Variants in ADGRL3 observed in about 807,000 individuals in gnomAD.
The protein encoded by ADGRL3 is calcium-independent alpha-latrotoxin receptor 3.
In ADGRL3, 62 loss-of-function variants were observed where a neutral mutation model predicts 153.5. That is an observed-to-expected ratio of 0.40 (90% CI 0.33 to 0.50). ADGRL3 has a LOEUF of 0.50. Among genes scored for constraint, ADGRL3 ranks in the 20% least tolerant of loss-of-function variants. The pLI is 0.47. For missense variants in ADGRL3, 1,641 were observed against 1,859.4 expected, an observed-to-expected ratio of 0.88 and a Z score of 2.16; for synonymous variants, 710 against 672.5, an observed-to-expected ratio of 1.06 and a Z score of -0.86.
chr4:62,011,778 G>A (rs1316863769), intron 21 of ADGRL3, among the ~76,000 whole-genome samples: 1 of 151,982 alleles, frequency 6.6e-6, no homozygotes, highest in African/African-American at 2.4e-5. Context: ...TCACCAGTTA[G>A]TTATTACTTA....
Position 61,333,661 on chromosome 4 carries a change from C to T in ADGRL3, c.-239-49463C>T, listed in dbSNP as rs572952223. On this transcript the variant is annotated intron_variant, in intron 1 of 26. Coordinates refer to ENST00000683033, the MANE Select transcript of ADGRL3 (RefSeq NM_001387552.1). ...CAGGCTGGAATGCAGGTCACAATCACGGCTTACTGCATGCAGCCTTGAGCT... is the reference window on the plus strand; with the variant it reads ...CAGGCTGGAATGCAGGTCACAATCATGGCTTACTGCATGCAGCCTTGAGCT... Among the ~76,000 whole-genome samples the T allele has an allele frequency of 2.6e-5, 4 of 152,116 alleles. No individual in the cohort carries two copies. The South Asian group carries it at 6.2e-4, about 24-fold the overall frequency.
intron 3 of ADGRL3, among the ~76,000 whole-genome samples, chr4:61,498,459 A>T (rs2098345314): frequency 6.6e-6 from 1 of 152,088 alleles, no homozygotes; most frequent in Non-Finnish European, 1.5e-5. Context: ...CTGAGGCAGG[A>T]GAATGGCGTA....
intron 25 of ADGRL3, among the ~76,000 whole-genome samples, chr4:62,065,378 A>G (rs542062819): frequency 6.6e-6 from 1 of 152,208 alleles, no homozygotes; most frequent in Admixed American, 6.6e-5. Flanking sequence ...AATGAATTGT[A>G]CATTACACAA....
At chr4:61,625,512 G>A (rs565058164) in intron 5 of ADGRL3, among the ~76,000 whole-genome samples, 29 of 152,000 alleles carry the variant, frequency 1.9e-4, no homozygotes, top group African/African-American at 6.3e-4. Flanking sequence ...ACATACATTC[G>A]TTACGTTGCT....
At chr4:61,455,454 A>G (rs1347655840) in intron 2 of ADGRL3, among the ~76,000 whole-genome samples, 1 of 152,114 alleles carries the variant, frequency 6.6e-6, no homozygotes, top group Non-Finnish European at 1.5e-5. Context: ...GTTTTTAAAT[A>G]ATTCATTTAT....
At chr4:61,800,685 G>A (rs769587254) in intron 8 of ADGRL3, among the ~76,000 whole-genome samples, 4 of 152,104 alleles carry the variant, frequency 2.6e-5, no homozygotes, top group African/African-American at 7.2e-5. Context: ...TTCTAATAAG[G>A]AAGTTTATTT....
rs1247058119 is a variant in ADGRL3, at chr4:61,200,340, T to G, written c.-1665T>G. On this transcript the variant is annotated 5_prime_UTR_variant, in exon 1 of 27. Coordinates refer to ENST00000683033, the MANE Select transcript of ADGRL3 (RefSeq NM_001387552.1). Reference sequence around the variant, plus strand: ...GACCGCTGCTCATTCTGGCCTCCGCTCCGGCCCCGGCTGCGCCTACCCCGC... The same window carrying G: ...GACCGCTGCTCATTCTGGCCTCCGCGCCGGCCCCGGCTGCGCCTACCCCGC... Among the ~76,000 whole-genome samples the G allele has an allele frequency of 6.6e-6, 1 of 151,786 alleles. No homozygotes were observed. Among genetic ancestry groups the G allele is most frequent in the Non-Finnish European group, 1.5e-5 (1 of 67,952 alleles).
chr4:61,459,489 G>A (rs1256367210), intron 2 of ADGRL3, among the ~76,000 whole-genome samples: 1 of 151,810 alleles, frequency 6.6e-6, no homozygotes, highest in East Asian at 1.9e-4. Flanking sequence ...TTCATATCTT[G>A]AGTATTAATA....
chr4:61,336,818 A>T lies in ADGRL3; in HGVS notation c.-239-46306A>T, dbSNP rs185154577. On this transcript the variant is annotated intron_variant, in intron 1 of 26. Transcript: ENST00000683033. ...CTGGGTATAAACAGTGTGCTGAGCA[A>T]CAAAGGCATCCTTTGTATTTCTTAG... is the stretch of plus-strand genomic sequence containing the variant. Among the ~76,000 whole-genome samples, 16 of 151,476 alleles carry T rather than the reference A, an allele frequency of 1.1e-4. No homozygotes were observed. The East Asian group carries it at 3.1e-3, about 29-fold the overall frequency.
intron 8 of ADGRL3, among the ~76,000 whole-genome samples, chr4:61,771,785 C>T (rs1191876708): frequency 6.6e-5 from 2 of 30,288 alleles, no homozygotes; most frequent in Non-Finnish European, 9.5e-5. Context: ...AATCAATAAG[C>T]CTTTTATAGG....
chr4:62,027,939 T>C (rs1436118173), intron 21 of ADGRL3, among the ~76,000 whole-genome samples: 1 of 151,876 alleles, frequency 6.6e-6, no homozygotes, highest in African/African-American at 2.4e-5. Flanking sequence ...TGGCTTCAAA[T>C]ACCATTCTTT....
Position 61,787,888 on chromosome 4 carries a change from G to A in ADGRL3, c.1400-25921G>A, listed in dbSNP as rs542709774. Among the ~76,000 whole-genome samples the A allele has an allele frequency of 1.1e-4, 17 of 151,186 alleles. No homozygotes were observed. The South Asian group carries it at 3.6e-3, about 32-fold the overall frequency. ...GCCTTACCTTGGCACATAAAACAGA[G>A]CACATAAATTAAAACTGGAAAATAA... is the stretch of plus-strand genomic sequence containing the variant. On this transcript the variant is annotated intron_variant, in intron 8 of 26. Coordinates refer to ENST00000683033, the MANE Select transcript of ADGRL3 (RefSeq NM_001387552.1).
chr4:61,987,400 C>G (rs971417077), intron 19 of ADGRL3, among the ~76,000 whole-genome samples: 1 of 152,012 alleles, frequency 6.6e-6, no homozygotes. Context: ...GTCTCGAACT[C>G]CCAACCTCAG....
intron 9 of ADGRL3, among the ~76,000 whole-genome samples, chr4:61,884,506 G>T (rs2098525922): frequency 6.6e-6 from 1 of 152,070 alleles, no homozygotes; most frequent in African/African-American, 2.4e-5. Flanking sequence ...TTCCTTAGGT[G>T]GTCCTGAATC....
intron 8 of ADGRL3, among the ~76,000 whole-genome samples, chr4:61,762,494 C>T (rs1252591167): frequency 6.6e-6 from 1 of 152,010 alleles, no homozygotes; most frequent in Non-Finnish European, 1.5e-5. Flanking sequence ...TATTGAGGTG[C>T]TTGTCAAAAA....
intron 9 of ADGRL3, among the ~76,000 whole-genome samples, chr4:61,830,221 T>C (rs2097854071): frequency 6.6e-6 from 1 of 151,916 alleles, no homozygotes; most frequent in South Asian, 2.1e-4. Flanking sequence ...TTGCCCAGGC[T>C]TCTACAAAAA....
chr4:61,444,988 G>A (rs1365253170), intron 2 of ADGRL3, among the ~76,000 whole-genome samples: 2 of 151,882 alleles, frequency 1.3e-5, no homozygotes, highest in African/African-American at 4.8e-5. Flanking sequence ...GGAGGTCAAG[G>A]ATGCAGTGAA....
intron 2 of ADGRL3, among the ~76,000 whole-genome samples, chr4:61,481,502 C>T (rs565092183): frequency 2.0e-5 from 3 of 152,044 alleles, no homozygotes; most frequent in South Asian, 2.1e-4. Flanking sequence ...AACAAAAAAA[C>T]GCACTCTTGA....
intron 21 of ADGRL3, among the ~76,000 whole-genome samples, chr4:62,027,195 A>C (rs1459897454): frequency 2.0e-5 from 3 of 152,062 alleles, no homozygotes; most frequent in African/African-American, 7.2e-5. Flanking sequence ...TTTTCTTTCT[A>C]GGCCTGTTTC....
Sources: gnomAD v4.1 joint callset for allele counts (sites outside exome capture counted in the v4.1 genomes callset) on GRCh38, gnomAD v4.1.1 for gene constraint, MANE v1.5 for transcripts, NCBI Gene and HGNC (gene_info 2026-07-23, HGNC 2026-07-21) for gene names.